ST18: variants seen among roughly 807,000 people sequenced by gnomAD.
The protein encoded by ST18 is ST18 C2H2C-type zinc finger transcription factor.
ST18 carries 50 observed loss-of-function variants against 110.0 expected under a neutral mutation model. That is an observed-to-expected ratio of 0.45 (90% CI 0.36 to 0.58). The LOEUF is 0.58. ST18 is among the 20% of genes least tolerant of loss of function. The probability of loss-of-function intolerance (pLI) is 0.00; values close to 1 mark genes in which losing one functional copy is unlikely to be tolerated. For synonymous variants in ST18, 461 were observed against 452.4 expected (o/e 1.02, Z -0.24); for missense variants, 1,306 against 1,280.1 (o/e 1.02, Z -0.31).
chr8:52,340,029 GTT>G, intron 2 of ST18, among the ~76,000 whole-genome samples: 1 of 152,296 alleles, frequency 6.6e-6, no homozygotes, highest in Admixed American at 6.5e-5. Context: ...ATGAAGTTGG[GTT>G]ATGTTACACA....
chr8:52,353,721 G>A (rs1366925278), intron 2 of ST18, among the ~76,000 whole-genome samples: 1 of 152,184 alleles, frequency 6.6e-6, no homozygotes, highest in Non-Finnish European at 1.5e-5. Context: ...AATAAGAAAA[G>A]AAAGGGTTGA....
intron 2 of ST18, among the ~76,000 whole-genome samples, chr8:52,385,728 A>T (rs1836432331): frequency 6.6e-6 from 1 of 152,108 alleles, no homozygotes; most frequent in South Asian, 2.1e-4. Context: ...TAGAAAAAAA[A>T]AAAAAAGACT....
chr8:52,157,088 A>C (rs933527223), intron 15 of ST18, among the ~76,000 whole-genome samples: 2 of 152,242 alleles, frequency 1.3e-5, no homozygotes, highest in African/African-American at 4.8e-5. Flanking sequence ...CAGGAGCCCA[A>C]GAACACAACA....
intron 8 of ST18, among the ~76,000 whole-genome samples, chr8:52,210,683 A>C (rs139903541): frequency 0.035 from 5,305 of 152,178 alleles, 123 homozygotes; most frequent in Middle Eastern, 0.082. Context: ...AAAATAAATA[A>C]ATAAAAATAA....
intron 2 of ST18, among the ~76,000 whole-genome samples, chr8:52,245,217 T>C (rs953291041): frequency 6.6e-6 from 1 of 152,202 alleles, no homozygotes; most frequent in African/African-American, 2.4e-5. Flanking sequence ...TTCTATATTA[T>C]GGTATTCTTT....
intron 2 of ST18, among the ~76,000 whole-genome samples, chr8:52,279,442 C>T (rs375190110): frequency 6.6e-6 from 1 of 152,126 alleles, no homozygotes; most frequent in South Asian, 2.1e-4. Context: ...TCTTAACTTA[C>T]ATCTAATGGA....
At chr8:52,169,886 G>C (rs1285778570) in intron 10 of ST18, among the ~76,000 whole-genome samples, 1 of 152,148 alleles carries the variant, frequency 6.6e-6, no homozygotes, top group African/African-American at 2.4e-5. Context: ...TCCAGCCCTA[G>C]TAGGAATTCG....
Position 52,172,008 on chromosome 8 carries a change from T to G in ST18, c.853A>C (p.Ser285Arg). 6.2e-7 allele frequency: 1 copy of G among 1,614,216 alleles called. No homozygotes were observed. Among genetic ancestry groups the G allele is most frequent in the Non-Finnish European group, 8.5e-7 (1 of 1,180,040 alleles). Residue 285 changes from serine to arginine, a missense_variant, in exon 10 of 26, where the codon AGC (serine) becomes CGC (arginine). Coordinates refer to ENST00000689386, the MANE Select transcript of ST18 (RefSeq NM_001352837.2). ...FPDVEEEDSE[S>R]LAVMTEEGSD... The stretch of plus-strand genomic sequence containing the variant: ...CCCTCTTCCGTCATTACTGCCAGGC[T>G]CTCGCTATCTTCCTCCTCAACGTCA...
intron 25 of ST18, 129 bp from the exon 26 acceptor site, chr8:52,113,467 G>T: frequency 1.0e-6 from 1 of 982,066 alleles, no homozygotes; most frequent in Non-Finnish European, 1.5e-6. Flanking sequence ...TGACTGCTGG[G>T]GTTGCAGGGG....
At chr8:52,406,217 C>G (rs976605545) in intron 2 of ST18, 2 of 152,200 alleles carry the variant, frequency 1.3e-5, no homozygotes, top group African/African-American at 2.4e-5. Flanking sequence ...AGCAGAGGAA[C>G]CTTTCACAAA....
intron 2 of ST18, among the ~76,000 whole-genome samples, chr8:52,262,042 G>C (rs924344929): frequency 6.6e-6 from 1 of 152,202 alleles, no homozygotes; most frequent in Non-Finnish European, 1.5e-5. Context: ...GTCCAAGAGC[G>C]TGGCACCAGC....
rs751299887 is a variant in ST18, at chr8:52,180,299, A to G, written c.100T>C (p.Cys34Arg). The change falls in exon 9 of 26, where the codon TGC (cysteine) becomes CGC (arginine). Residue 34 changes from cysteine (C) to arginine (R), a missense_variant. By Grantham distance (180) the Cys-to-Arg change is radical (BLOSUM62 -3). Coordinates refer to ENST00000689386, the MANE Select transcript of ST18 (RefSeq NM_001352837.2). ...LIQELSVAYD[C>R]SMAKKRTAED... ...GCTGTTCTCTTCTTTGCCATGGAGC[A>G]ATCATAGGCAACACTGTAGTGATTG... 6.2e-7 allele frequency: 1 copy of G among 1,614,178 alleles called. No individual in the cohort carries two copies. The highest frequency in any genetic ancestry group is 1.1e-5 in the South Asian group (1 of 91,082).
intron 8 of ST18, among the ~76,000 whole-genome samples, chr8:52,192,160 C>T (rs1028534538): frequency 1.3e-5 from 2 of 152,172 alleles, no homozygotes; most frequent in African/African-American, 2.4e-5. Context: ...TGTAGCTATG[C>T]CCACAGCCCA....
At chr8:52,139,458 C>T (rs904312182) in intron 17 of ST18, among the ~76,000 whole-genome samples, 15 of 152,128 alleles carry the variant, frequency 9.9e-5, no homozygotes, top group Non-Finnish European at 2.1e-4. Context: ...TGGGCTCAAG[C>T]GATTCTCCTG....
intron 24 of ST18, among the ~76,000 whole-genome samples, chr8:52,117,206 C>T (rs1426410197): frequency 1.3e-5 from 2 of 152,170 alleles, no homozygotes; most frequent in Non-Finnish European, 2.9e-5. Context: ...TTTCTGAAAT[C>T]CCCAGGCCTT....
chr8:52,295,721 T>TC (rs1291767415), intron 2 of ST18, among the ~76,000 whole-genome samples: 1 of 150,728 alleles, frequency 6.6e-6, no homozygotes, highest in Admixed American at 6.6e-5. Context: ...TTTTTTTTTT[T>TC]TTTTTTTGAA....
chr8:52,288,417 T>G (rs1322320216), intron 2 of ST18, among the ~76,000 whole-genome samples: 1 of 152,142 alleles, frequency 6.6e-6, no homozygotes. Flanking sequence ...AGAGTATTAA[T>G]AGGCTGGGCA....
chr8:52,348,402 C>A (rs1412493985), intron 2 of ST18, among the ~76,000 whole-genome samples: 1 of 152,184 alleles, frequency 6.6e-6, no homozygotes, highest in African/African-American at 2.4e-5. Context: ...AGACATGCCC[C>A]ACCACTGTCC....
intron 2 of ST18, among the ~76,000 whole-genome samples, chr8:52,386,003 C>G (rs968055269): frequency 6.6e-6 from 1 of 152,132 alleles, no homozygotes; most frequent in Non-Finnish European, 1.5e-5. Context: ...ACCCTCTGAC[C>G]CCAGTCATTC....
Sources: gnomAD v4.1 joint callset for allele counts (sites outside exome capture counted in the v4.1 genomes callset) on GRCh38, gnomAD v4.1.1 for gene constraint, MANE v1.5 for transcripts, NCBI Gene and HGNC (gene_info 2026-07-23, HGNC 2026-07-21) for gene names.